The following ZGRF1 variants were observed in gnomAD, a reference collection of about 807,000 sequenced individuals.
The protein encoded by ZGRF1 is 5'-3' DNA helicase ZGRF1.
A neutral mutation model predicts 203.5 loss-of-function variants in ZGRF1; 196 were observed. The observed-to-expected ratio is 0.96, with a 90% CI of 0.86 to 1.08. The LOEUF (loss-of-function observed/expected upper bound fraction) is 1.08. Among genes scored for constraint, ZGRF1 ranks in the 50% least tolerant of loss-of-function variants. The pLI is 0.00. For synonymous variants in ZGRF1, 809 were observed against 841.3 expected (o/e 0.96, Z 0.66); for missense variants, 2,326 against 2,416.3 (o/e 0.96, Z 0.78).
At chr4:112,592,224 A>T (rs1748296821) in intron 10 of ZGRF1, among the ~76,000 whole-genome samples, 1 of 151,244 alleles carries the variant, frequency 6.6e-6, no homozygotes, top group Admixed American at 6.6e-5. Flanking sequence ...CAGGCTCCTG[A>T]GTAGCTGGGA....
At position 112,560,955 on chromosome 4, in the gene ZGRF1, T is replaced by C; in HGVS notation, c.4738A>G (p.Arg1580Gly). The C allele has an allele frequency of 6.2e-7, 1 of 1,611,002 alleles. No individual in the cohort carries two copies. The highest frequency in any genetic ancestry group is 8.5e-7 in the Non-Finnish European group (1 of 1,177,766). Residue 1580 changes from arginine to glycine, a missense_variant, in exon 19 of 28, where the codon AGA becomes GGA. By Grantham distance (125) the Arg-to-Gly change is moderately radical. Coordinates refer to ENST00000505019, the MANE Select transcript of ZGRF1 (RefSeq NM_018392.5). ...TIVSNKRVSK[R>G]KFIPPAFTNV... ...GTGAAGGCTGGTGGGATAAATTTTC[T>C]CTTACTGACTCTTTTGTTACTAACT...
At chr4:112,566,542 G>T (rs1164731968) in intron 16 of ZGRF1, among the ~76,000 whole-genome samples, 1 of 151,746 alleles carries the variant, frequency 6.6e-6, no homozygotes, top group East Asian at 1.9e-4. Flanking sequence ...TTTACTTACT[G>T]AATTAATAAC....
chr4:112,631,264 C>T (rs1016374274), intron 3 of ZGRF1, among the ~76,000 whole-genome samples: 2 of 152,062 alleles, frequency 1.3e-5, no homozygotes, highest in East Asian at 1.9e-4. Flanking sequence ...AGCCTCCCAA[C>T]GTGGTGGGAT....
At chr4:112,603,493 T>C in intron 10 of ZGRF1, 31 bp downstream of exon 10, 1 of 1,541,882 alleles carries the variant, frequency 6.5e-7, no homozygotes, top group East Asian at 2.3e-5. Flanking sequence ...GAAAATGATT[T>C]GGCAAAATGC....
At chr4:112,583,876 T>A in intron 15 of ZGRF1, 102 bp downstream of exon 15, 1 of 720,092 alleles carries the variant, frequency 1.4e-6, no homozygotes, top group Non-Finnish European at 2.2e-6. Context: ...ATCTTTTAAA[T>A]AGTTTTCCTA....
At chr4:112,620,863 CAAAA>C (rs554450313) in intron 4 of ZGRF1, among the ~76,000 whole-genome samples, 3 of 61,740 alleles carry the variant, frequency 4.9e-5, no homozygotes, top group Non-Finnish European at 6.9e-5. Context: ...GACCCTGTCT[CAAAA>C]AAAAAAAAAA....
rs530498824 is a variant in ZGRF1 at position 112,604,813 on chromosome 4, T to C, written c.2803-1116A>G. ...CCCCCTGGAGGGTTCTAGGATTTTT[T>C]ACTCCATACAAAGTAAAGCTTACCC... is the stretch of plus-strand genomic sequence containing the variant. On this transcript the variant is annotated intron_variant, in intron 9 of 27. Transcript: ENST00000505019. Among the ~76,000 whole-genome samples, 62 of 152,304 alleles carry C rather than the reference T, an allele frequency of 4.1e-4. 1 individual carries two copies. In the Middle Eastern group the frequency reaches 0.01, roughly 25 times the overall value.
At position 112,562,458 on chromosome 4, in the gene ZGRF1, T is replaced by G; in HGVS notation, c.4610A>C (p.Asn1537Thr). ...NMVVHALLVCNASTELTTLKN... is the reference protein window; with the variant it reads ...NMVVHALLVCTASTELTTLKN... ...CAAAGTAGTCAGTTCTGTGCTAGCA[T>G]TACAAACCAATAACGCATGGACAAC... The change falls in exon 18 of 28, where the codon AAT becomes ACT. Residue 1537 changes from asparagine to threonine, a missense_variant. Physicochemically the swap from Asn to Thr is moderately conservative, Grantham distance 65 (BLOSUM62 0). Coordinates refer to ENST00000505019, the MANE Select transcript of ZGRF1 (RefSeq NM_018392.5). The G allele has an allele frequency of 6.2e-7, 1 of 1,607,868 alleles. No individual in the cohort carries two copies. The highest frequency in any genetic ancestry group is 8.5e-7 in the Non-Finnish European group (1 of 1,176,388).
chr4:112,600,677 G>A (rs561308240), intron 10 of ZGRF1, among the ~76,000 whole-genome samples: 1 of 152,112 alleles, frequency 6.6e-6, no homozygotes, highest in Non-Finnish European at 1.5e-5. Context: ...GGGCTTGCAT[G>A]ACTGACATAA....
intron 16 of ZGRF1, among the ~76,000 whole-genome samples, chr4:112,571,553 AT>A (rs36106321): frequency 0.36 from 53,444 of 149,902 alleles, 10,606 homozygotes; most frequent in South Asian, 0.49. Flanking sequence ...TTAAATCTTA[AT>A]TTTTTTTTTT....
rs1747354420 is a variant in ZGRF1, at chr4:112,587,334, A to C, written c.3723T>G (p.Ile1241Met). ...NLKQTSKTEE[I>M]KNVLGGSTCY... ...AGGTAGACCCTCCTAATACATTTTT[A>C]ATTTCCTCTGTCTTAGAAGTCTGCT... is the stretch of plus-strand genomic sequence containing the variant. Residue 1241 changes from isoleucine to methionine, a missense_variant, in exon 12 of 28, where the codon ATT (isoleucine) becomes ATG (methionine). By Grantham distance (10) the Ile-to-Met change is conservative (BLOSUM62 1). Transcript: ENST00000505019. The C allele has an allele frequency of 6.2e-7, 1 of 1,613,480 alleles. No homozygotes were observed. The highest frequency in any genetic ancestry group is 8.5e-7 in the Non-Finnish European group (1 of 1,179,698).
At chr4:112,552,371 C>T (rs1442434065) in intron 22 of ZGRF1, among the ~76,000 whole-genome samples, 2 of 151,952 alleles carry the variant, frequency 1.3e-5, no homozygotes, top group Non-Finnish European at 2.9e-5. Flanking sequence ...AAAATAATTC[C>T]TCTAAAATAG....
chr4:112,558,121 A>G, intron 20 of ZGRF1, 29 bp downstream of exon 20: 1 of 1,584,954 alleles, frequency 6.3e-7, no homozygotes, highest in Non-Finnish European at 8.6e-7. Flanking sequence ...CCAAAACATT[A>G]GCTACTTAAA....
rs774731700 is a variant in ZGRF1 at position 112,603,580 on chromosome 4, AG to A, written c.2919del (p.Phe974LeufsTer2). ...GGTAACTCTGGTGTCTCTGTCATAA[AG>A]TTTTCATACTCAGTGCTATCTGGAA... The part of the protein sequence containing the change: ...SQFPDSTEYE[N>X]FMTETPELPS... On this transcript the variant is annotated frameshift_variant, in exon 10 of 28. Transcript: ENST00000505019. LOFTEE classifies it high-confidence loss of function. The A allele has an allele frequency of 1.2e-5, 19 of 1,613,938 alleles. No homozygotes were observed. In the African/African-American group the frequency reaches 2.3e-4, roughly 19 times the overall value.
chr4:112,578,378 A>G (rs1346938549), intron 16 of ZGRF1, among the ~76,000 whole-genome samples: 1 of 121,164 alleles, frequency 8.3e-6, no homozygotes, highest in African/African-American at 2.9e-5. Flanking sequence ...AAGCAAGAGC[A>G]AACACATTCA....
intron 6 of ZGRF1, 33 bp downstream of exon 6, chr4:112,617,407 G>A (rs766225825): frequency 8.2e-6 from 12 of 1,463,224 alleles, no homozygotes; most frequent in Non-Finnish European, 1.1e-5. Context: ...GACCTATAAA[G>A]AAAACATTCC....
At chr4:112,551,430 C>T (rs1481511559) in intron 22 of ZGRF1, among the ~76,000 whole-genome samples, 1 of 152,170 alleles carries the variant, frequency 6.6e-6, no homozygotes, top group Non-Finnish European at 1.5e-5. Context: ...TACCAACTGA[C>T]CATACCTTTT....
At chr4:112,598,432 T>C (rs1749396382) in intron 10 of ZGRF1, among the ~76,000 whole-genome samples, 1 of 151,990 alleles carries the variant, frequency 6.6e-6, no homozygotes, top group Non-Finnish European at 1.5e-5. Flanking sequence ...AGTGAAAATA[T>C]TAAAACATTT....
intron 16 of ZGRF1, among the ~76,000 whole-genome samples, chr4:112,580,983 G>C (rs1011646303): frequency 1.3e-5 from 2 of 152,122 alleles, no homozygotes; most frequent in African/African-American, 4.8e-5. Context: ...GCACATGTAT[G>C]TTTATTGCAG....
Sources: allele counts gnomAD v4.1 joint callset (sites outside exome capture counted in the v4.1 genomes callset), GRCh38; gene constraint gnomAD v4.1.1; transcripts MANE v1.5; gene names NCBI Gene and HGNC (gene_info 2026-07-23, HGNC 2026-07-21).